Variants in PIKFYVE observed in about 807,000 individuals in gnomAD.
PIKFYVE encodes phosphoinositide kinase, FYVE-type zinc finger containing.
Under a neutral mutation model 257.9 loss-of-function variants are expected in PIKFYVE, and 122 were observed. That is an observed-to-expected ratio of 0.47 (90% confidence interval 0.41 to 0.55). The LOEUF (loss-of-function observed/expected upper bound fraction) is 0.55, where lower values mean the gene tolerates loss of function less well. Ranked by LOEUF, PIKFYVE falls within the 20% of genes least tolerant of loss-of-function variation. The pLI is 0.00. For synonymous variants in PIKFYVE, 892 were observed against 868.9 expected (o/e 1.03, Z -0.47); for missense variants, 2,160 against 2,536.6 (o/e 0.85, Z 3.19).
intron 7 of PIKFYVE, among the ~76,000 whole-genome samples, chr2:208,289,052 T>C (rs1042998774): frequency 6.6e-6 from 1 of 152,210 alleles, no homozygotes; most frequent in African/African-American, 2.4e-5. Flanking sequence ...TCCTTTCTCT[T>C]CTGGTTAAAT....
chr2:208,311,587 A>G (rs1365229657), intron 12 of PIKFYVE, among the ~76,000 whole-genome samples: 1 of 152,198 alleles, frequency 6.6e-6, no homozygotes, highest in Non-Finnish European at 1.5e-5. Context: ...TTCACTTGTA[A>G]GAAAAGTATT....
At position 208,352,786 on chromosome 2, in the gene PIKFYVE, AG is replaced by A. The variant is rs1239719125; in HGVS notation, c.5844+7del. On this transcript the variant is annotated splice_donor_5th_base_variant and intron_variant, in intron 39 of 41. Transcript: ENST00000264380. The stretch of plus-strand genomic sequence containing the variant: ...CTACGGGAGAAAGATGGCACAGGTA[AG>A]GGTATTGGACTATGTGAAGCATTTA... 2.5e-6 allele frequency: 4 copies of A among 1,612,354 alleles called. No individual in the cohort carries two copies. The highest frequency in any genetic ancestry group is 3.4e-6 in the Non-Finnish European group (4 of 1,179,206).
chr2:208,268,269 T>G (rs949455896), intron 1 of PIKFYVE, among the ~76,000 whole-genome samples: 4 of 152,174 alleles, frequency 2.6e-5, no homozygotes, highest in Non-Finnish European at 4.4e-5. Flanking sequence ...AAGCCGAGTA[T>G]AATTTTTGTG....
At chr2:208,324,384 C>T (rs1291066352) in intron 18 of PIKFYVE, 102 bp downstream of exon 18, 8 of 1,265,094 alleles carry the variant, frequency 6.3e-6, no homozygotes, top group Non-Finnish European at 9.0e-6. Context: ...CTTTGCTGTT[C>T]TATTTGTATT....
intron 11 of PIKFYVE, 91 bp from the exon 12 acceptor site, chr2:208,304,755 A>AG (rs773194863): frequency 7.7e-7 from 1 of 1,301,092 alleles, no homozygotes; most frequent in Non-Finnish European, 1.1e-6. Context: ...TATTAAAAAA[A>AG]CATTTTTCTC....
chr2:208,270,453 A>G (rs1689271644), intron 1 of PIKFYVE, among the ~76,000 whole-genome samples: 1 of 152,202 alleles, frequency 6.6e-6, no homozygotes, highest in Non-Finnish European at 1.5e-5. Context: ...TGATGTGGTT[A>G]GCTTTATTGC....
chr2:208,273,972 C>G, intron 3 of PIKFYVE: 1 of 1,586,156 alleles, frequency 6.3e-7, no homozygotes, highest in Non-Finnish European at 8.6e-7. Flanking sequence ...AGGCAAGGCA[C>G]AGATTTCTTG....
intron 27 of PIKFYVE, 78 bp from the exon 28 acceptor site, chr2:208,336,760 A>G (rs555174332): frequency 1.5e-4 from 141 of 921,112 alleles, no homozygotes; most frequent in African/African-American, 1.4e-3. Context: ...TCAAAGTTGT[A>G]AAGAGAAAAT....
rs751509435 is a variant in PIKFYVE at position 208,326,362 on chromosome 2, C to T, written c.3551C>T (p.Ser1184Leu). Residue 1184 changes from serine (S) to leucine (L), a missense_variant, in exon 20 of 42, where the codon TCA becomes TTA. Ser to Leu is a moderately radical substitution (Grantham distance 145). Coordinates refer to ENST00000264380, the MANE Select transcript of PIKFYVE (RefSeq NM_015040.4). ...GCATCAAGTACTTCAAGTGGCCAAT[C>T]AGGAAGCAAAAATGAGGGTGATGAA... ...KDASSTSSGQ[S>L]GSKNEGDEER... The T allele has an allele frequency of 3.1e-6, 5 of 1,613,852 alleles. No homozygotes were observed. The South Asian group carries it at 3.3e-5, about 11-fold the overall frequency.
intron 12 of PIKFYVE, among the ~76,000 whole-genome samples, chr2:208,310,468 T>G (rs1694820496): frequency 6.6e-6 from 1 of 152,182 alleles, no homozygotes; most frequent in Non-Finnish European, 1.5e-5. Flanking sequence ...ATTATTGGTC[T>G]TGGAGAATTG....
intron 21 of PIKFYVE, among the ~76,000 whole-genome samples, 162 bp downstream of exon 21, chr2:208,328,442 A>G (rs1697180839): frequency 1.3e-5 from 2 of 152,242 alleles, no homozygotes; most frequent in Non-Finnish European, 2.9e-5. Flanking sequence ...TGAAGTAAAT[A>G]TGAAAATACA....
intron 9 of PIKFYVE, among the ~76,000 whole-genome samples, chr2:208,301,384 A>G (rs1471129902): frequency 6.6e-6 from 1 of 152,172 alleles, no homozygotes; most frequent in Non-Finnish European, 1.5e-5. Flanking sequence ...ACCTAAGGCC[A>G]AAGAATTCCC....
chr2:208,313,077 A>G (rs955573915), intron 13 of PIKFYVE, among the ~76,000 whole-genome samples: 1 of 152,148 alleles, frequency 6.6e-6, no homozygotes, highest in East Asian at 1.9e-4. Context: ...CATGTCATGG[A>G]CATATACTTT....
chr2:208,326,358 C>A lies in PIKFYVE; in HGVS notation c.3547C>A (p.Gln1183Lys), dbSNP rs1529979. The A allele has an allele frequency of 0.97, 1,568,487 of 1,613,836 alleles. 763,665 individuals carry two copies. The highest frequency in any genetic ancestry group is 0.98 in the Non-Finnish European group (1,160,904 of 1,179,948). ...GGATGCATCAAGTACTTCAAGTGGC[C>A]AATCAGGAAGCAAAAATGAGGGTGA... Reference protein sequence around the residue: ...SKDASSTSSGQSGSKNEGDEE... With the variant: ...SKDASSTSSGKSGSKNEGDEE... Residue 1183 changes from glutamine (Q) to lysine (K), a missense_variant, in exon 20 of 42, where the codon CAA becomes AAA. By Grantham distance (53) the Gln-to-Lys change is moderately conservative. Around this residue, in one of 12 missense-constraint regions of PIKFYVE, gnomAD observed 522 missense variants for 514.6 expected, o/e 1.01. Coordinates refer to ENST00000264380, the MANE Select transcript of PIKFYVE (RefSeq NM_015040.4).
chr2:208,320,127 A>G (rs1192196391), intron 16 of PIKFYVE, 125 bp from the exon 17 acceptor site: 3 of 1,312,184 alleles, frequency 2.3e-6, no homozygotes, highest in South Asian at 1.6e-5. Flanking sequence ...AGAATATATT[A>G]ATACTAATAT....
intron 5 of PIKFYVE, among the ~76,000 whole-genome samples, chr2:208,280,642 A>G (rs1046348527): frequency 2.0e-5 from 3 of 152,168 alleles, no homozygotes; most frequent in Admixed American, 6.5e-5. Flanking sequence ...CTTCAGAATG[A>G]CCAATCCCCT....
chr2:208,329,805 T>C (rs1697312937), intron 21 of PIKFYVE, 37 bp from the exon 22 acceptor site: 8 of 1,607,066 alleles, frequency 5.0e-6, no homozygotes, highest in African/African-American at 2.7e-5. Flanking sequence ...TGGGGCATGG[T>C]AATTCTTATG....
intron 36 of PIKFYVE, 43 bp downstream of exon 36, chr2:208,350,126 A>G (rs370552991): frequency 9.1e-5 from 147 of 1,607,142 alleles, no homozygotes; most frequent in Non-Finnish European, 1.2e-4. Flanking sequence ...GAGAGGGACT[A>G]CAGTTGAGCC....
At chr2:208,290,355 A>G (rs550263799) in intron 7 of PIKFYVE, among the ~76,000 whole-genome samples, 4 of 152,326 alleles carry the variant, frequency 2.6e-5, no homozygotes, top group Admixed American at 6.5e-5. Context: ...CCAGAATGCC[A>G]TATAGTTGGA....
Sources: gnomAD v4.1 joint callset for allele counts (sites outside exome capture counted in the v4.1 genomes callset) on GRCh38, gnomAD v4.1.1 for gene constraint, gnomAD v4.1.1 regional missense constraint, MANE v1.5 for transcripts, NCBI Gene and HGNC (gene_info 2026-07-23, HGNC 2026-07-21) for gene names.